The following ARHGAP32 variants were observed in gnomAD, a reference collection of about 807,000 sequenced individuals.
ARHGAP32 encodes the protein Rho GTPase activating protein 32, also known as rho GTPase-activating protein 32.
ARHGAP32 carries 51 observed loss-of-function variants against 186.5 expected under a neutral mutation model. The observed-to-expected ratio is 0.27, with a 90% confidence interval of 0.22 to 0.35. The LOEUF is 0.35. ARHGAP32 is among the 10% of genes least tolerant of loss of function. The pLI, the probability that ARHGAP32 is intolerant of heterozygous loss-of-function variation, is 1.00. For synonymous variants in ARHGAP32, 950 were observed against 964.3 expected (o/e 0.99, Z 0.27); for missense variants, 2,186 against 2,623.5 (o/e 0.83, Z 3.64).
In ARHGAP32 at chr11:128,971,105, C is replaced by T. The variant is rs751985811; in HGVS notation, c.4108G>A (p.Asp1370Asn). ...TCACTGATGAAGGCAGACGCAGGGT[C>T]ATCCATGGCTCGAGGTTCAGGTGGC... ...ERPPEPRAMD[D>N]PASAFISDSG... is the part of the protein sequence containing the mutation. The change falls in exon 23 of 23, where the codon GAC becomes AAC. Residue 1370 changes from aspartate (D) to asparagine (N), a missense_variant. Transcript: ENST00000682385. 3.8e-5 allele frequency: 61 copies of T among 1,614,056 alleles called. No homozygotes were observed. Among genetic ancestry groups the T allele is most frequent in the Non-Finnish European group, 5.0e-5 (59 of 1,180,020 alleles).
At chr11:129,087,395 G>A (rs1028105625) in intron 6 of ARHGAP32, among the ~76,000 whole-genome samples, 5 of 152,092 alleles carry the variant, frequency 3.3e-5, no homozygotes, top group African/African-American at 1.2e-4. Flanking sequence ...ACCAGACAAC[G>A]AATATTTTTC....
chr11:128,976,776 T>A lies in ARHGAP32; in HGVS notation c.2123-142A>T, dbSNP rs563818078. ...GACAGCAATTTAGTACTCTATTACA[T>A]AATGTGTTATACTGCACATTTTGAC... On this transcript the variant is annotated intron_variant, in intron 19 of 22. Coordinates refer to ENST00000682385, the MANE Select transcript of ARHGAP32 (RefSeq NM_001378024.1). The A allele has an allele frequency of 8.8e-6, 6 of 680,540 alleles. No homozygotes were observed. In the East Asian group the frequency reaches 1.6e-4, roughly 18 times the overall value. The allele number at this position is 680,540 out of a possible 1,614,324, so 42.2% of individuals were successfully genotyped here.
intron 2 of ARHGAP32, among the ~76,000 whole-genome samples, chr11:129,141,873 G>C (rs1384957705): frequency 1.3e-5 from 2 of 151,856 alleles, no homozygotes; most frequent in Non-Finnish European, 2.9e-5. Context: ...AAAAAGGAAA[G>C]AGAGAAAGAG....
intron 2 of ARHGAP32, among the ~76,000 whole-genome samples, chr11:129,156,715 G>A (rs905755783): frequency 2.6e-5 from 4 of 152,190 alleles, no homozygotes; most frequent in African/African-American, 2.4e-5. Flanking sequence ...CCAGCACAGC[G>A]CTGGAGCTCT....
At chr11:129,167,902 TG>T (rs1331731180) in intron 1 of ARHGAP32, among the ~76,000 whole-genome samples, 2 of 152,138 alleles carry the variant, frequency 1.3e-5, no homozygotes, top group Admixed American at 6.5e-5. Flanking sequence ...AAAAAGTAAA[TG>T]GACTTAAAGA....
At chr11:129,145,237 GA>G (rs1188135004) in intron 2 of ARHGAP32, among the ~76,000 whole-genome samples, 2 of 151,948 alleles carry the variant, frequency 1.3e-5, no homozygotes, top group African/African-American at 4.8e-5. Flanking sequence ...AGCGCTGCTA[GA>G]AAATGATACT....
chr11:129,088,838 T>C (rs1178999549), intron 6 of ARHGAP32, among the ~76,000 whole-genome samples: 3 of 151,954 alleles, frequency 2.0e-5, no homozygotes, highest in Non-Finnish European at 4.4e-5. Flanking sequence ...AGCTGGTTCA[T>C]GGCCAGCCTG....
chr11:129,166,410 T>C (rs1409058571), intron 1 of ARHGAP32, among the ~76,000 whole-genome samples: 1 of 151,802 alleles, frequency 6.6e-6, no homozygotes, highest in East Asian at 1.9e-4. Flanking sequence ...TCAAAGAAAT[T>C]CTATAAACCT....
intron 11 of ARHGAP32, among the ~76,000 whole-genome samples, chr11:129,040,371 C>A (rs1939542384): frequency 6.6e-6 from 1 of 152,084 alleles, no homozygotes; most frequent in Non-Finnish European, 1.5e-5. Flanking sequence ...TCAGATGAGG[C>A]ATTCTGTTGA....
chr11:129,155,317 G>C (rs766918988), intron 2 of ARHGAP32, among the ~76,000 whole-genome samples: 54 of 152,098 alleles, frequency 3.6e-4, no homozygotes, highest in Non-Finnish European at 7.4e-4. Context: ...ATAAAAATAA[G>C]AAAAGAAGAA....
At chr11:129,005,654 T>C (rs918002179) in intron 11 of ARHGAP32, among the ~76,000 whole-genome samples, 1 of 152,218 alleles carries the variant, frequency 6.6e-6, no homozygotes, top group African/African-American at 2.4e-5. Context: ...ATGTTCTTTT[T>C]TCTTGCTGCT....
intron 10 of ARHGAP32, among the ~76,000 whole-genome samples, chr11:129,050,053 T>A (rs1939977122): frequency 1.3e-5 from 2 of 152,238 alleles, no homozygotes; most frequent in Admixed American, 1.3e-4. Context: ...TGCTTAAAGT[T>A]GCAGTTTCCA....
At chr11:129,214,167 T>C (rs1316754792) in intron 1 of ARHGAP32, among the ~76,000 whole-genome samples, 1 of 152,084 alleles carries the variant, frequency 6.6e-6, no homozygotes, top group African/African-American at 2.4e-5. Flanking sequence ...GGAGAAATGA[T>C]GATTCAAGGT....
intron 1 of ARHGAP32, among the ~76,000 whole-genome samples, chr11:129,211,810 T>C (rs992248651): frequency 6.6e-6 from 1 of 152,192 alleles, no homozygotes; most frequent in Non-Finnish European, 1.5e-5. Context: ...TGCTTTTACT[T>C]TCTGCAATGA....
chr11:129,139,069 T>C (rs866776759), intron 2 of ARHGAP32, among the ~76,000 whole-genome samples: 28 of 152,288 alleles, frequency 1.8e-4, no homozygotes, highest in African/African-American at 6.0e-4. Context: ...AATTTTATAT[T>C]TTAAAACTTT....
chr11:129,008,476 A>G (rs1937904168), intron 11 of ARHGAP32, among the ~76,000 whole-genome samples: 1 of 152,140 alleles, frequency 6.6e-6, no homozygotes, highest in Non-Finnish European at 1.5e-5. Context: ...TTTTCATTTT[A>G]TGGAAAACAT....
Position 128,973,271 on chromosome 11 carries a change from A to G in ARHGAP32, c.3235T>C (p.Ser1079Pro). Residue 1079 changes from serine (S) to proline (P), a missense_variant, in exon 22 of 23, where the codon TCT becomes CCT. Around this residue, in one of 5 missense-constraint regions of ARHGAP32, gnomAD observed 1,502 missense variants for 1,570.0 expected, o/e 0.96. Transcript: ENST00000682385. Reference protein sequence around the residue: ...STQSLKRPGTSQAGYTNYGDI... With the variant: ...STQSLKRPGTPQAGYTNYGDI... ...CCATAATTTGTATACCCAGCCTGAG[A>G]GGTCCCTGGTCTCTTCAATGACTGA... The G allele has an allele frequency of 6.2e-7, 1 of 1,613,942 alleles. No individual in the cohort carries two copies. Among genetic ancestry groups the G allele is most frequent in the Non-Finnish European group, 8.5e-7 (1 of 1,180,014 alleles).
intron 2 of ARHGAP32, among the ~76,000 whole-genome samples, chr11:129,129,375 G>A (rs113065012): frequency 6.6e-6 from 1 of 151,580 alleles, no homozygotes; most frequent in Non-Finnish European, 1.5e-5. Context: ...GGGAAGTGAG[G>A]AGCCCCTCCG....
At chr11:129,278,867 G>A (rs1945570428) in intron 1 of ARHGAP32, among the ~76,000 whole-genome samples, 1 of 150,520 alleles carries the variant, frequency 6.6e-6, no homozygotes, top group African/African-American at 2.4e-5. Context: ...CGCTGCGGCA[G>A]GCCAGAACGC....
Sources: allele counts gnomAD v4.1 joint callset (sites outside exome capture counted in the v4.1 genomes callset), GRCh38; gene constraint gnomAD v4.1.1; regional missense constraint gnomAD v4.1.1; transcripts MANE v1.5; gene names NCBI Gene and HGNC (gene_info 2026-07-23, HGNC 2026-07-21).